Variants in TEX9 observed in about 807,000 individuals in gnomAD.
The protein encoded by TEX9 is testis expressed 9.
In TEX9, 74 loss-of-function variants were observed where a neutral mutation model predicts 59.6. That is an observed-to-expected ratio of 1.24 (90% CI 1.03 to 1.51). The LOEUF is 1.51. Among genes scored for constraint, TEX9 ranks in the 40% most tolerant of loss-of-function variants. The pLI is 0.00. For missense variants in TEX9, 522 were observed against 447.8 expected (o/e 1.17, Z -1.49); for synonymous variants, 186 against 152.2 (o/e 1.22, Z -1.64).
chr15:56,347,952 A>C (rs565798875), intron 1 of TEX9, among the ~76,000 whole-genome samples: 5 of 152,118 alleles, frequency 3.3e-5, no homozygotes, highest in South Asian at 2.1e-4. Flanking sequence ...ATGGGCAAAA[A>C]ACTTTAAGAG....
chr15:56,304,674 C>A (rs2045436893), intron 1 of TEX9, among the ~76,000 whole-genome samples: 1 of 152,076 alleles, frequency 6.6e-6, no homozygotes, highest in African/African-American at 2.4e-5. Flanking sequence ...ATATTGTTGA[C>A]AATTTTCCCA....
chr15:56,282,362 C>T (rs1230472603), intron 1 of TEX9, among the ~76,000 whole-genome samples: 6 of 152,032 alleles, frequency 3.9e-5, no homozygotes, highest in African/African-American at 9.7e-5. Context: ...CATGGTAAAG[C>T]GTACTTGTTT....
At chr15:56,400,351 T>C (rs1186679622) in intron 9 of TEX9, among the ~76,000 whole-genome samples, 8 of 152,114 alleles carry the variant, frequency 5.3e-5, no homozygotes, top group Non-Finnish European at 1.2e-4. Flanking sequence ...CAAGCTTCAA[T>C]AGCCAATTTG....
intron 1 of TEX9, among the ~76,000 whole-genome samples, chr15:56,300,760 GT>G (rs1435658017): frequency 7.2e-6 from 1 of 139,458 alleles, no homozygotes; most frequent in African/African-American, 2.9e-5. Flanking sequence ...CATTTCATTT[GT>G]TTGGGGAAAA....
intron 3 of TEX9, among the ~76,000 whole-genome samples, chr15:56,377,025 T>A (rs1008027659): frequency 1.3e-5 from 2 of 152,202 alleles, no homozygotes; most frequent in Non-Finnish European, 2.9e-5. Flanking sequence ...TTATCCAGTG[T>A]ATGTTCTTGG....
intron 12 of TEX9, chr15:56,434,242 T>G: frequency 6.2e-7 from 1 of 1,613,990 alleles, no homozygotes; most frequent in Non-Finnish European, 8.5e-7. Flanking sequence ...ATTAATTCTA[T>G]TCGATCATCC....
chr15:56,300,095 C>A (rs1362903298), intron 1 of TEX9, among the ~76,000 whole-genome samples: 2 of 152,114 alleles, frequency 1.3e-5, no homozygotes, highest in Non-Finnish European at 2.9e-5. Flanking sequence ...TCCTTCACTC[C>A]TGGATGGCAT....
chr15:56,362,576 A>G (rs1046264761), upstream of TEX9, among the ~76,000 whole-genome samples: 6 of 152,198 alleles, frequency 3.9e-5, no homozygotes, highest in African/African-American at 9.7e-5. Context: ...TCACATATCT[A>G]TATTTACCCA....
intron 1 of TEX9, among the ~76,000 whole-genome samples, chr15:56,276,306 T>A (rs1316878767): frequency 6.6e-6 from 1 of 152,166 alleles, no homozygotes; most frequent in Non-Finnish European, 1.5e-5. Context: ...ATTAGGTATT[T>A]GTCCTAGTGC....
chr15:56,328,187 C>A (rs961368186), intron 1 of TEX9, among the ~76,000 whole-genome samples: 4 of 151,840 alleles, frequency 2.6e-5, no homozygotes, highest in Non-Finnish European at 5.9e-5. Flanking sequence ...GTCATGAGGT[C>A]CCACTCCAGA....
intron 1 of TEX9, among the ~76,000 whole-genome samples, chr15:56,307,056 A>G (rs188556600): frequency 3.9e-5 from 6 of 152,320 alleles, no homozygotes; most frequent in Admixed American, 3.3e-4. Context: ...TCAGTAACAT[A>G]ATTATTTATC....
chr15:56,394,467 T>A, intron 8 of TEX9, 194 bp from the exon 9 acceptor site: 1 of 625,934 alleles, frequency 1.6e-6, no homozygotes, highest in Non-Finnish European at 2.7e-6. Flanking sequence ...TATATTAGTC[T>A]TACAAATGTA....
intron 1 of TEX9, among the ~76,000 whole-genome samples, chr15:56,247,482 A>G (rs1364339929): frequency 2.6e-5 from 4 of 152,174 alleles, no homozygotes; most frequent in Non-Finnish European, 4.4e-5. Flanking sequence ...AGAGCAACAG[A>G]GGGAAGATGA....
intron 1 of TEX9, among the ~76,000 whole-genome samples, chr15:56,358,121 G>A (rs2046718249): frequency 6.6e-6 from 1 of 152,180 alleles, no homozygotes; most frequent in Non-Finnish European, 1.5e-5. Context: ...GATTAGCACA[G>A]AGGTCTCAGA....
chr15:56,407,336 A>C (rs2049128425), intron 9 of TEX9, among the ~76,000 whole-genome samples: 1 of 152,024 alleles, frequency 6.6e-6, no homozygotes. Context: ...TGTGCACTGG[A>C]GTTTTCTTTT....
At chr15:56,275,693 C>A (rs1005087934) in intron 1 of TEX9, among the ~76,000 whole-genome samples, 1 of 152,002 alleles carries the variant, frequency 6.6e-6, no homozygotes, top group Admixed American at 6.6e-5. Flanking sequence ...ACTTTATTGT[C>A]GTTATTTTTT....
chr15:56,324,456 G>A (rs2045975363), intron 1 of TEX9, among the ~76,000 whole-genome samples: 1 of 152,144 alleles, frequency 6.6e-6, no homozygotes, highest in African/African-American at 2.4e-5. Context: ...TAGGAAAAAG[G>A]CTCACATTCC....
chr15:56,290,176 A>T (rs1464561311), intron 1 of TEX9, among the ~76,000 whole-genome samples: 1 of 151,826 alleles, frequency 6.6e-6, no homozygotes, highest in East Asian at 1.9e-4. Context: ...TTTTTTTCCA[A>T]TGTAGTTCAA....
intron 9 of TEX9, among the ~76,000 whole-genome samples, chr15:56,404,750 A>G (rs1165561701): frequency 6.6e-6 from 1 of 152,228 alleles, no homozygotes; most frequent in Admixed American, 6.5e-5. Flanking sequence ...CATCAATGAT[A>G]GACTGGATTA....
Sources: gnomAD v4.1 joint callset for allele counts (sites outside exome capture counted in the v4.1 genomes callset) on GRCh38, gnomAD v4.1.1 for gene constraint, MANE v1.5 for transcripts, NCBI Gene and HGNC (gene_info 2026-07-23, HGNC 2026-07-21) for gene names.